AGAP1: variants seen among roughly 807,000 people sequenced by gnomAD.
AGAP1 encodes the protein arf-GAP with GTPase, ANK repeat and PH domain-containing protein 1.
A neutral mutation model predicts 105.3 loss-of-function variants in AGAP1; 29 were observed. The observed-to-expected ratio is 0.28, with a 90% CI of 0.21 to 0.38. The LOEUF (loss-of-function observed/expected upper bound fraction) is 0.38. Ranked by LOEUF, AGAP1 falls within the 10% of genes least tolerant of loss-of-function variation. AGAP1 has a pLI of 1.00. For missense variants in AGAP1, 998 were observed against 1,165.1 expected, an observed-to-expected ratio of 0.86 and a Z score of 2.09; for synonymous variants, 509 against 485.9, an observed-to-expected ratio of 1.05 and a Z score of -0.63.
chr2:235,697,954 A>C (rs1950072543), intron 1 of AGAP1, among the ~76,000 whole-genome samples: 1 of 152,194 alleles, frequency 6.6e-6, no homozygotes, highest in Admixed American at 6.5e-5. Context: ...CCAGCATCTA[A>C]GCTGCAGTCG....
intron 1 of AGAP1, among the ~76,000 whole-genome samples, chr2:235,510,811 G>A (rs1325968589): frequency 6.6e-6 from 1 of 151,990 alleles, no homozygotes; most frequent in East Asian, 1.9e-4. Flanking sequence ...CTATAGGAGT[G>A]AGGCTGAGGA....
intron 9 of AGAP1, among the ~76,000 whole-genome samples, chr2:235,840,999 A>G (rs1230485371): frequency 1.3e-5 from 2 of 152,064 alleles, no homozygotes; most frequent in Non-Finnish European, 2.9e-5. Context: ...GGAGAACAAA[A>G]AAGAACTTGC....
rs1300533414 is a variant in AGAP1, at chr2:235,908,397, GGA to G, written c.1156-339_1156-338del. On this transcript the variant is annotated intron_variant, in intron 10 of 17. Transcript: ENST00000304032. This position sits in a 1 kb window ranked among gnomAD's most constrained non-coding sequence, Gnocchi z 4.4. ...CATGGAATTTTACTTGGAATTTATA[GGA>G]GGAGCCTAATGTACCCTCTGATAAG... 6.6e-6 allele frequency among the ~76,000 whole-genome samples: 1 copy of G among 152,146 alleles called. No individual in the cohort carries two copies. Among genetic ancestry groups the G allele is most frequent in the East Asian group, 1.9e-4 (1 of 5,200 alleles).
chr2:235,876,104 G>A (rs2049712574), intron 9 of AGAP1, among the ~76,000 whole-genome samples: 1 of 152,138 alleles, frequency 6.6e-6, no homozygotes, highest in African/African-American at 2.4e-5. Flanking sequence ...ATCTCCAATA[G>A]AGGTGTGCAT....
At chr2:235,710,628 C>T (rs545902513) in intron 2 of AGAP1, among the ~76,000 whole-genome samples, 2 of 152,316 alleles carry the variant, frequency 1.3e-5, no homozygotes, top group South Asian at 2.1e-4. Context: ...TGGAAAGAGC[C>T]GCCTCTTTCT....
Position 236,092,798 on chromosome 2 carries a change from C to A in AGAP1, c.2115-27394C>A, listed in dbSNP as rs1043469009. ...AAAAGGTGGCTTCCCTTAAAAGAAT[C>A]AGGGCTCCTTGGAGAAATGGCTCAT... On this transcript the variant is annotated intron_variant, in intron 16 of 17. Transcript: ENST00000304032. The surrounding 1 kb of genome is among the most constrained non-coding windows in gnomAD (Gnocchi z 4.7). 6.6e-6 allele frequency among the ~76,000 whole-genome samples: 1 copy of A among 152,218 alleles called. No homozygotes were observed.
At chr2:235,604,986 T>A (rs1054802701) in intron 1 of AGAP1, among the ~76,000 whole-genome samples, 1 of 152,024 alleles carries the variant, frequency 6.6e-6, no homozygotes, top group Non-Finnish European at 1.5e-5. Context: ...GTTTAAGCGA[T>A]TCTCGTGCCT....
Position 236,058,358 on chromosome 2 carries a change from AC to A in AGAP1, c.2114+9078del, listed in dbSNP as rs1231676179. 1.3e-5 allele frequency among the ~76,000 whole-genome samples: 2 copies of A among 152,224 alleles called. No homozygotes were observed. Among genetic ancestry groups the A allele is most frequent in the African/African-American group, 4.8e-5 (2 of 41,458 alleles). The stretch of plus-strand genomic sequence containing the variant: ...CAGATGTTACAGCCAGAGAGCATCT[AC>A]AAGAGGATTAGACTCTGTGATCAGG... On this transcript the variant is annotated intron_variant, in intron 16 of 17. Transcript: ENST00000304032. The surrounding 1 kb of genome is among the most constrained non-coding windows in gnomAD (Gnocchi z 4.6).
At position 235,842,777 on chromosome 2, in the gene AGAP1, G is replaced by A. The variant is rs573809950; in HGVS notation, c.1050+35446G>A. The stretch of plus-strand genomic sequence containing the variant: ...GAGTCTCACTCTGTCACCCAGGCCC[G>A]AGTGCAGTGGCACGGTCTTGGTTCA... On this transcript the variant is annotated intron_variant, in intron 9 of 17. Coordinates refer to ENST00000304032, the MANE Select transcript of AGAP1 (RefSeq NM_001037131.3). The surrounding 1 kb of genome is among the most constrained non-coding windows in gnomAD (Gnocchi z 5.3). Among the ~76,000 whole-genome samples, 16 of 152,096 alleles carry A rather than the reference G, an allele frequency of 1.1e-4. No individual in the cohort carries two copies. Among genetic ancestry groups the A allele is most frequent in the African/African-American group, 2.7e-4 (11 of 41,494 alleles).
At chr2:235,589,155 G>A (rs1196478688) in intron 1 of AGAP1, among the ~76,000 whole-genome samples, 1 of 147,082 alleles carries the variant, frequency 6.8e-6, no homozygotes, top group Non-Finnish European at 1.5e-5. Flanking sequence ...TGGTAGAAAA[G>A]GAGATTTTGA....
rs1952051980 is a variant in AGAP1 at position 235,733,227 on chromosome 2, ATCT to A, written c.311-7731_311-7729del. Among the ~76,000 whole-genome samples the A allele has an allele frequency of 6.6e-6, 1 of 152,160 alleles. No individual in the cohort carries two copies. The highest frequency in any genetic ancestry group is 2.4e-5 in the African/African-American group (1 of 41,446). On this transcript the variant is annotated intron_variant, in intron 3 of 17. Coordinates refer to ENST00000304032, the MANE Select transcript of AGAP1 (RefSeq NM_001037131.3). This position sits in a 1 kb window ranked among gnomAD's most constrained non-coding sequence, Gnocchi z 5.0. ...CTCCCGCTCACCAGGCAACACGGGC[ATCT>A]TCTTTGCCTCCGGAGAGCCTTTGCC... is the stretch of plus-strand genomic sequence containing the variant.
intron 12 of AGAP1, among the ~76,000 whole-genome samples, chr2:235,949,636 A>G (rs2317008): frequency 0.6 from 91,959 of 152,112 alleles, 28,679 homozygotes; most frequent in South Asian, 0.76. Context: ...CCTCTTTTGC[A>G]TAGTAAGCTT....
At chr2:235,531,008 G>A (rs189515900) in intron 1 of AGAP1, among the ~76,000 whole-genome samples, 4 of 152,328 alleles carry the variant, frequency 2.6e-5, no homozygotes, top group East Asian at 1.9e-4. Context: ...GGCTCTTGGC[G>A]GTCTCCACAG....
intron 1 of AGAP1, among the ~76,000 whole-genome samples, chr2:235,682,584 A>T (rs112091342): frequency 5.3e-4 from 81 of 151,898 alleles, no homozygotes; most frequent in African/African-American, 1.8e-3. Context: ...ACCTCAAATG[A>T]TCCTCGCACC....
In AGAP1 at chr2:236,040,756, G is replaced by T; in HGVS notation, c.1806G>T (p.Arg602=). 1 of 1,613,190 alleles carries T rather than the reference G, an allele frequency of 6.2e-7. No homozygotes were observed. The highest frequency in any genetic ancestry group is 8.5e-7 in the Non-Finnish European group (1 of 1,180,012). Residue 602 remains arginine (R), a synonymous_variant, in exon 15 of 18, where the codon CGG becomes CGT. Transcript: ENST00000304032. This position sits in a 1 kb window ranked among gnomAD's most constrained non-coding sequence, Gnocchi z 5.6. ...QSCESSKNKS[R]LTSQSEAMAL... is the part of the protein sequence containing the mutation. Reference sequence around the variant, plus strand: ...GTGTCTTCCTCCGTGCCCAGTCCCGGCTGACGAGCCAGAGCGAGGCCATGG... The same window carrying T: ...GTGTCTTCCTCCGTGCCCAGTCCCGTCTGACGAGCCAGAGCGAGGCCATGG...
intron 11 of AGAP1, among the ~76,000 whole-genome samples, chr2:235,922,365 T>TC (rs2052223060): frequency 6.6e-6 from 1 of 152,222 alleles, no homozygotes; most frequent in Admixed American, 6.5e-5. Flanking sequence ...TTTGGCTTTT[T>TC]CCCCGCCCTC....
intron 10 of AGAP1, among the ~76,000 whole-genome samples, chr2:235,898,664 T>A (rs1007348819): frequency 6.6e-6 from 1 of 152,128 alleles, no homozygotes; most frequent in Admixed American, 6.5e-5. Context: ...GAGCTAACAT[T>A]TATGGAGGGC....
At position 235,774,116 on chromosome 2, in the gene AGAP1, G is replaced by A. The variant is rs1301107802; in HGVS notation, c.673+23628G>A. The A allele has an allele frequency of 1.3e-5, 5 of 396,932 alleles. No individual in the cohort carries two copies. In the East Asian group the frequency reaches 2.9e-4, roughly 23 times the overall value. The allele number at this position is 396,932 out of a possible 1,614,324, so 24.6% of individuals were successfully genotyped here. On this transcript the variant is annotated intron_variant, in intron 6 of 17. Coordinates refer to ENST00000304032, the MANE Select transcript of AGAP1 (RefSeq NM_001037131.3). ...CCTTGCAATTAAATATCCAGATCTA[G>A]GAGAAAACTATTTGTAGAAGTCTTG... is the stretch of plus-strand genomic sequence containing the variant.
intron 11 of AGAP1, among the ~76,000 whole-genome samples, chr2:235,920,444 G>A (rs140833895): frequency 8.3e-4 from 127 of 152,254 alleles, no homozygotes; most frequent in African/African-American, 2.9e-3. Flanking sequence ...CCAAGCGCAG[G>A]GTTGTTGTTT....
Sources: allele counts gnomAD v4.1 joint callset (sites outside exome capture counted in the v4.1 genomes callset), GRCh38; gene constraint gnomAD v4.1.1; non-coding constraint Gnocchi (gnomAD v3.1); transcripts MANE v1.5; gene names NCBI Gene and HGNC (gene_info 2026-07-23, HGNC 2026-07-21).